The following COPG2 variants were observed in gnomAD, a reference collection of about 807,000 sequenced individuals.
COPG2 encodes the protein coat protein complex I subunit gamma 2.
A neutral mutation model predicts 46.3 loss-of-function variants in COPG2; 37 were observed. That is an observed-to-expected ratio of 0.80 (90% CI 0.61 to 1.05). The LOEUF (loss-of-function observed/expected upper bound fraction) is 1.05, where lower values mean the gene tolerates loss of function less well. COPG2 is among the 50% of genes least tolerant of loss of function. COPG2 has a pLI of 0.00. For missense variants in COPG2, 427 were observed against 387.8 expected (o/e 1.10, Z -0.85); for synonymous variants, 159 against 129.7 (o/e 1.23, Z -1.53).
At chr7:130,655,804 T>C (rs548315130) in intron 4 of COPG2, among the ~76,000 whole-genome samples, 100 of 152,352 alleles carry the variant, frequency 6.6e-4, no homozygotes, top group African/African-American at 2.3e-3. Flanking sequence ...AACTGTTATG[T>C]CATAAATTTT....
intron 4 of COPG2, among the ~76,000 whole-genome samples, chr7:130,654,595 C>T (rs184059141): frequency 6.9e-4 from 105 of 152,124 alleles, no homozygotes; most frequent in African/African-American, 2.4e-3. Context: ...TACTCATATA[C>T]GTATAAGGAA....
At chr7:130,525,760 A>G (rs1406819631) in intron 20 of COPG2, among the ~76,000 whole-genome samples, 3 of 152,156 alleles carry the variant, frequency 2.0e-5, no homozygotes, top group Admixed American at 2.0e-4. Flanking sequence ...GGTACATGGG[A>G]CAGAGTATGG....
intron 9 of COPG2, among the ~76,000 whole-genome samples, chr7:130,592,262 T>G (rs1481792777): frequency 6.6e-6 from 1 of 152,118 alleles, no homozygotes. Context: ...ACACAAACAC[T>G]GTGGAAGGCC....
intron 9 of COPG2, among the ~76,000 whole-genome samples, chr7:130,571,845 C>CTATA (rs797032340): frequency 8.1e-4 from 120 of 148,998 alleles, no homozygotes; most frequent in African/African-American, 1.4e-3. Context: ...CTCTCTCTCT[C>CTATA]TATATATATA....
chr7:130,530,346 G>A (rs1478043584), intron 20 of COPG2, among the ~76,000 whole-genome samples: 1 of 152,084 alleles, frequency 6.6e-6, no homozygotes, highest in Non-Finnish European at 1.5e-5. Flanking sequence ...GACTGGCTGT[G>A]GAGTTTTGTG....
chr7:130,611,147 G>A (rs782510615), intron 8 of COPG2, 37 bp from the exon 9 acceptor site: 30 of 1,562,494 alleles, frequency 1.9e-5, no homozygotes, highest in Non-Finnish European at 2.6e-5. Context: ...ACATGGATTA[G>A]AAAGATGTCA....
intron 12 of COPG2, among the ~76,000 whole-genome samples, chr7:130,555,698 G>A (rs984330639): frequency 2.0e-5 from 3 of 152,056 alleles, no homozygotes; most frequent in Admixed American, 6.6e-5. Context: ...GTGTGGTGGC[G>A]TGGGCCTGCA....
chr7:130,666,753 A>C, intron 3 of COPG2, 96 bp downstream of exon 3: 1 of 654,578 alleles, frequency 1.5e-6, no homozygotes, highest in East Asian at 2.9e-5. Context: ...AAGTGAATTT[A>C]AAATAAATAA....
chr7:130,539,660 A>G (rs1799917020), intron 20 of COPG2, among the ~76,000 whole-genome samples: 2 of 152,172 alleles, frequency 1.3e-5, no homozygotes, highest in Admixed American at 1.3e-4. Context: ...GCAAGGGGAA[A>G]GGCTTCAAGA....
At chr7:130,567,945 TGAATA>T (rs1190747737) in intron 9 of COPG2, among the ~76,000 whole-genome samples, 1 of 152,090 alleles carries the variant, frequency 6.6e-6, no homozygotes, top group African/African-American at 2.4e-5. Context: ...ACTAGCATGA[TGAATA>T]GAATAGTACC....
intron 9 of COPG2, among the ~76,000 whole-genome samples, chr7:130,570,641 A>G (rs1309393025): frequency 6.6e-6 from 1 of 152,160 alleles, no homozygotes; most frequent in Admixed American, 6.6e-5. Flanking sequence ...TACAAATTCA[A>G]CATAATTCCC....
chr7:130,644,348 C>T (rs1480786637), intron 5 of COPG2, among the ~76,000 whole-genome samples: 1 of 152,110 alleles, frequency 6.6e-6, no homozygotes, highest in African/African-American at 2.4e-5. Context: ...TAGGAGTTCC[C>T]AAGCTCTAGT....
At chr7:130,548,117 C>T (rs984635938) in intron 19 of COPG2, among the ~76,000 whole-genome samples, 2 of 152,264 alleles carry the variant, frequency 1.3e-5, no homozygotes, top group South Asian at 2.1e-4. Flanking sequence ...CTCAGAATAG[C>T]CCACTTAATC....
intron 20 of COPG2, among the ~76,000 whole-genome samples, chr7:130,531,900 A>G (rs1167956854): frequency 2.0e-5 from 3 of 152,168 alleles, no homozygotes; most frequent in South Asian, 2.1e-4. Context: ...GGCCTATCCA[A>G]TCATCTGAGG....
intron 6 of COPG2, among the ~76,000 whole-genome samples, chr7:130,615,030 G>A (rs1241784988): frequency 6.6e-6 from 1 of 152,186 alleles, no homozygotes; most frequent in Non-Finnish European, 1.5e-5. Context: ...TAAGGAGGAA[G>A]ACTTGTTGTT....
intron 20 of COPG2, among the ~76,000 whole-genome samples, chr7:130,534,964 T>G (rs1584965738): frequency 6.7e-6 from 1 of 149,932 alleles, no homozygotes. Context: ...AAGGCTGGAG[T>G]GGAAGAGGGG....
At chr7:130,555,852 A>C (rs1793614889) in intron 12 of COPG2, among the ~76,000 whole-genome samples, 2 of 152,194 alleles carry the variant, frequency 1.3e-5, no homozygotes, top group East Asian at 1.9e-4. Flanking sequence ...AAATAAAATA[A>C]AATAAAAATA....
intron 20 of COPG2, among the ~76,000 whole-genome samples, chr7:130,531,894 TATCCAATC>T (rs1418425614): frequency 6.6e-6 from 1 of 152,080 alleles, no homozygotes; most frequent in Non-Finnish European, 1.5e-5. Flanking sequence ...CAGGCAGGCC[TATCCAATC>T]ATCTGAGGGG....
chr7:130,557,525 G>A (rs2116396240), intron 12 of COPG2, among the ~76,000 whole-genome samples: 1 of 152,186 alleles, frequency 6.6e-6, no homozygotes, highest in African/African-American at 2.4e-5. Context: ...ATAAACATGT[G>A]GCTGGGCATG....
Sources: allele counts gnomAD v4.1 joint callset (sites outside exome capture counted in the v4.1 genomes callset), GRCh38; gene constraint gnomAD v4.1.1; transcripts MANE v1.5; gene names NCBI Gene and HGNC (gene_info 2026-07-23, HGNC 2026-07-21).